The following FAAH2 variants were observed in gnomAD, a reference collection of about 807,000 sequenced individuals.
FAAH2 encodes fatty-acid amide hydrolase 2.
In FAAH2, 60 loss-of-function variants were observed where a neutral mutation model predicts 36.9. That is an observed-to-expected ratio of 1.63 (90% CI 1.32 to 2.02). The LOEUF (loss-of-function observed/expected upper bound fraction) is 2.02, where lower values mean the gene tolerates loss of function less well. Ranked by LOEUF, FAAH2 falls within the 30% of genes most tolerant of loss-of-function variation. FAAH2 has a pLI of 0.00. For missense variants in FAAH2, 689 were observed against 397.5 expected, an observed-to-expected ratio of 1.73 and a Z score of -6.23; for synonymous variants, 214 against 143.8, an observed-to-expected ratio of 1.49 and a Z score of -3.49.
At chrX:57,274,371 T>C in the FAAH2 span, among the ~76,000 whole-genome samples, 1 of 111,908 alleles carries the variant, frequency 8.9e-6, no homozygotes, top group African/African-American at 3.3e-5. Context: ...ACTATTCCAA[T>C]CAATAGAAAA....
intron 10 of FAAH2, among the ~76,000 whole-genome samples, chrX:57,470,033 G>T (rs1433452491): frequency 1.8e-5 from 2 of 111,695 alleles, no homozygotes; most frequent in African/African-American, 3.3e-5. Flanking sequence ...CAGAAATAAA[G>T]ATGTTCTTCA....
chrX:57,401,214 G>A (rs765226656), intron 7 of FAAH2, among the ~76,000 whole-genome samples: 40 of 111,973 alleles, frequency 3.6e-4, no homozygotes, highest in African/African-American at 8.1e-4. Context: ...TAAATCATCC[G>A]CATACCAAAA....
the FAAH2 span, among the ~76,000 whole-genome samples, chrX:57,130,493 C>T: frequency 8.9e-5 from 10 of 112,363 alleles, no homozygotes; most frequent in Admixed American, 9.4e-4. Flanking sequence ...CTGTGGACTT[C>T]CCTCACACTA....
At chrX:57,386,564 C>T (rs552813443) in intron 7 of FAAH2, among the ~76,000 whole-genome samples, 2 of 111,587 alleles carry the variant, frequency 1.8e-5, no homozygotes, top group East Asian at 2.8e-4. Context: ...TTTGCTCTCA[C>T]AGTAGAATTA....
chrX:57,381,221 A>T (rs1253197752), intron 7 of FAAH2, among the ~76,000 whole-genome samples, 192 bp downstream of exon 7: 1 of 111,553 alleles, frequency 9.0e-6, no homozygotes. Flanking sequence ...TAGTAATGAA[A>T]TGAGTACTTT....
chrX:57,265,671 T>A, the FAAH2 span, among the ~76,000 whole-genome samples: 1 of 112,156 alleles, frequency 8.9e-6, no homozygotes, highest in Admixed American at 9.4e-5. Context: ...CAGTGTTCTC[T>A]GGCCAGTAGA....
chrX:57,477,399 AT>A (rs2057290847), intron 10 of FAAH2, among the ~76,000 whole-genome samples: 1 of 111,142 alleles, frequency 9.0e-6, no homozygotes, highest in African/African-American at 3.3e-5. Flanking sequence ...GTAGAAAAAA[AT>A]CTGGACTACT....
chrX:57,376,457 A>G, intron 5 of FAAH2, among the ~76,000 whole-genome samples: 1 of 109,899 alleles, frequency 9.1e-6, no homozygotes, highest in Non-Finnish European at 1.9e-5. Context: ...TCATTGTTCA[A>G]CTCCCACTTA....
At chrX:57,377,503 A>G (rs767767367) in intron 5 of FAAH2, among the ~76,000 whole-genome samples, 1 of 112,039 alleles carries the variant, frequency 8.9e-6, no homozygotes, top group South Asian at 3.7e-4. Context: ...CCTTTGGTCT[A>G]TATCTCTGTC....
chrX:57,348,226 G>A (rs937600482), intron 5 of FAAH2, among the ~76,000 whole-genome samples: 4 of 110,225 alleles, frequency 3.6e-5, no homozygotes, highest in African/African-American at 1.3e-4. Flanking sequence ...ACTCTTCCTA[G>A]GGAACTGAGA....
rs773400915 is a variant in FAAH2, at chrX:57,379,545, T to TCA, written c.878+781_878+782dup. ...CTGTCTCTCTCGCTCTCTCTCTCTCTCACACACACACACACACACACACGT... is the reference window on the plus strand; with the variant it reads ...CTGTCTCTCTCGCTCTCTCTCTCTCTCACACACACACACACACACACACACGT... On this transcript the variant is annotated intron_variant, in intron 6 of 10. Coordinates refer to ENST00000374900, the MANE Select transcript of FAAH2 (RefSeq NM_174912.4). Among the ~76,000 whole-genome samples, 518 of 70,417 alleles carry TCA rather than the reference T, an allele frequency of 7.4e-3. 1 individual carries two copies. Among genetic ancestry groups the TCA allele is most frequent in the East Asian group, 0.019 (43 of 2,262 alleles). The allele number at this position is 70,417 out of a possible 115,157, so 61.1% of individuals were successfully genotyped here. A position where few individuals can be genotyped will look rare whatever the true frequency, so the allele number is the denominator to read the frequency against.
At chrX:57,452,254 T>C in intron 10 of FAAH2, 1 of 754,767 alleles carries the variant, frequency 1.3e-6, no homozygotes, top group Middle Eastern at 7.6e-4. Flanking sequence ...GCTAAGCAGA[T>C]CTTTTGTGAC....
At chrX:57,264,931 T>C in the FAAH2 span, among the ~76,000 whole-genome samples, 1 of 111,621 alleles carries the variant, frequency 9.0e-6, no homozygotes, top group African/African-American at 3.3e-5. Flanking sequence ...AATATTCAGG[T>C]ACTCGCATTG....
At chrX:57,475,656 G>T (rs1357970505) in intron 10 of FAAH2, among the ~76,000 whole-genome samples, 1 of 111,702 alleles carries the variant, frequency 9.0e-6, no homozygotes. Flanking sequence ...TTTTTGCTTA[G>T]GATTGCCGTA....
chrX:57,313,015 G>A (rs1390708725), intron 3 of FAAH2, among the ~76,000 whole-genome samples: 1 of 111,059 alleles, frequency 9.0e-6, no homozygotes, highest in East Asian at 2.8e-4. Flanking sequence ...AGAGATGGGA[G>A]AAAAAATGGG....
At chrX:57,420,667 C>T (rs1383565622) in intron 7 of FAAH2, among the ~76,000 whole-genome samples, 2 of 108,839 alleles carry the variant, frequency 1.8e-5, no homozygotes, top group Admixed American at 9.9e-5. Context: ...CATCTGCAAA[C>T]AGGGACAATT....
At chrX:57,458,652 C>A (rs769021902) in intron 10 of FAAH2, among the ~76,000 whole-genome samples, 1 of 112,069 alleles carries the variant, frequency 8.9e-6, no homozygotes, top group Non-Finnish European at 1.9e-5. Context: ...CTCGCTGGGA[C>A]TGGTTAGGCA....
chrX:57,393,409 C>T (rs752735180), intron 7 of FAAH2: 1 of 773,104 alleles, frequency 1.3e-6, no homozygotes, highest in Non-Finnish European at 2.0e-6. Flanking sequence ...TGTTAAGAAA[C>T]TTTTCTATTC....
At chrX:57,335,344 C>A (rs73626265) in intron 4 of FAAH2, among the ~76,000 whole-genome samples, 1,527 of 111,738 alleles carry the variant, frequency 0.014, 17 homozygotes, top group African/African-American at 0.047. Flanking sequence ...CATTATCCAG[C>A]GTTTCCCGGA....
Sources: gnomAD v4.1 joint callset for allele counts (sites outside exome capture counted in the v4.1 genomes callset) on GRCh38, gnomAD v4.1.1 for gene constraint, MANE v1.5 for transcripts, NCBI Gene and HGNC (gene_info 2026-07-23, HGNC 2026-07-21) for gene names.